The following DPY19L1 variants were observed in gnomAD, a reference collection of about 807,000 sequenced individuals.
DPY19L1 encodes protein C-mannosyl-transferase DPY19L1.
Under a neutral mutation model 96.9 loss-of-function variants are expected in DPY19L1, and 35 were observed. The ratio of observed to expected loss-of-function variants is 0.36; its 90% CI spans 0.28 to 0.48. DPY19L1 has a LOEUF of 0.48. Among genes scored for constraint, DPY19L1 ranks in the 20% least tolerant of loss-of-function variants. DPY19L1 has a pLI of 0.99. For missense variants in DPY19L1, 521 were observed against 777.9 expected (o/e 0.67, Z 3.93); for synonymous variants, 205 against 252.6 (o/e 0.81, Z 1.79).
At chr7:35,018,639 A>G (rs781203389) in intron 1 of DPY19L1, 43 bp from the exon 2 acceptor site, 1 of 1,552,072 alleles carries the variant, frequency 6.4e-7, no homozygotes, top group Non-Finnish European at 8.9e-7. Context: ...TAGCATAAAC[A>G]TGTTCATCTT....
chr7:35,006,589 T>G (rs1450178668), intron 6 of DPY19L1, among the ~76,000 whole-genome samples: 4 of 152,130 alleles, frequency 2.6e-5, no homozygotes, highest in Admixed American at 6.5e-5. Flanking sequence ...ATGAAATACA[T>G]AACGTAAGTA....
intron 19 of DPY19L1, 96 bp downstream of exon 19, chr7:34,940,057 G>A: frequency 1.8e-6 from 2 of 1,094,924 alleles, no homozygotes; most frequent in Non-Finnish European, 2.5e-6. Flanking sequence ...TGAGATCAGT[G>A]GAAGTAACTA....
At chr7:35,004,060 T>C (rs1785494101) in intron 6 of DPY19L1, among the ~76,000 whole-genome samples, 1 of 152,186 alleles carries the variant, frequency 6.6e-6, no homozygotes, top group African/African-American at 2.4e-5. Context: ...AACCATAAAC[T>C]ACAGGAGCCT....
chr7:34,969,737 C>T (rs755624997), intron 8 of DPY19L1, among the ~76,000 whole-genome samples: 4 of 152,068 alleles, frequency 2.6e-5, no homozygotes, highest in Admixed American at 1.3e-4. Context: ...CATTTGCTAA[C>T]AATAACACAG....
intron 7 of DPY19L1, among the ~76,000 whole-genome samples, chr7:34,976,807 T>C (rs1185784994): frequency 2.6e-5 from 4 of 152,172 alleles, no homozygotes; most frequent in African/African-American, 9.7e-5. Flanking sequence ...CATTTTGAGA[T>C]GGAGTTCATT....
In DPY19L1 at chr7:35,018,449, T is replaced by A; in HGVS notation, c.323+123A>T. 9.7e-6 allele frequency: 8 copies of A among 828,102 alleles called. No individual in the cohort carries two copies. The South Asian group carries it at 1.3e-4, about 14-fold the overall frequency. 51.3% of individuals were successfully genotyped at this position (828,102 alleles called of 1,614,324 possible). On this transcript the variant is annotated intron_variant, in intron 2 of 21. Coordinates refer to ENST00000638088, the MANE Select transcript of DPY19L1 (RefSeq NM_001366673.1). ...ATTAAACTAGTTTTTCAGACTATTG[T>A]GTTACATGTAATATATATTCATACT...
At chr7:34,996,462 TA>T (rs1785286191) in intron 6 of DPY19L1, among the ~76,000 whole-genome samples, 1 of 152,140 alleles carries the variant, frequency 6.6e-6, no homozygotes, top group Non-Finnish European at 1.5e-5. Context: ...TTCTCCTGCC[TA>T]GAAATATCAC....
chr7:34,949,212 C>A (rs1287100459), intron 14 of DPY19L1, among the ~76,000 whole-genome samples: 1 of 151,978 alleles, frequency 6.6e-6, no homozygotes, highest in East Asian at 1.9e-4. Context: ...AAAGTACTTT[C>A]CTTTGTATTA....
chr7:35,031,583 G>T (rs1024602197), intron 1 of DPY19L1, among the ~76,000 whole-genome samples: 4 of 152,064 alleles, frequency 2.6e-5, no homozygotes, highest in African/African-American at 7.2e-5. Flanking sequence ...TAACAGCCAC[G>T]GTTCAAATAT....
chr7:34,933,645 C>G (rs1013084380), intron 21 of DPY19L1, among the ~76,000 whole-genome samples: 1 of 152,188 alleles, frequency 6.6e-6, no homozygotes, highest in Non-Finnish European at 1.5e-5. Flanking sequence ...TAAAAGCAGG[C>G]AAAAGAATTG....
chr7:34,964,400 A>T (rs1404624487), intron 10 of DPY19L1, among the ~76,000 whole-genome samples: 1 of 152,184 alleles, frequency 6.6e-6, no homozygotes, highest in Non-Finnish European at 1.5e-5. Flanking sequence ...ACAAAATAAA[A>T]AACTATTTTA....
At chr7:34,943,677 T>A (rs1784074193) in intron 16 of DPY19L1, among the ~76,000 whole-genome samples, 1 of 152,218 alleles carries the variant, frequency 6.6e-6, no homozygotes, top group Non-Finnish European at 1.5e-5. Context: ...CTATTTGAAC[T>A]GACAACTCCA....
intron 6 of DPY19L1, among the ~76,000 whole-genome samples, chr7:34,993,094 A>G (rs985283768): frequency 3.3e-5 from 5 of 152,218 alleles, no homozygotes; most frequent in African/African-American, 1.2e-4. Flanking sequence ...TGTGTGACAA[A>G]GTATTCTGAT....
chr7:34,976,735 G>A (rs1053676144), intron 7 of DPY19L1, among the ~76,000 whole-genome samples: 4 of 152,156 alleles, frequency 2.6e-5, no homozygotes, highest in African/African-American at 7.2e-5. Context: ...CAACATCAAA[G>A]TAAGACCCTC....
At chr7:34,994,244 A>G (rs1376905159) in intron 6 of DPY19L1, among the ~76,000 whole-genome samples, 1 of 152,140 alleles carries the variant, frequency 6.6e-6, no homozygotes, top group African/African-American at 2.4e-5. Flanking sequence ...ATAATCAACA[A>G]GCTCAATGTC....
chr7:34,971,815 C>G (rs1231468927), intron 8 of DPY19L1, among the ~76,000 whole-genome samples: 1 of 152,170 alleles, frequency 6.6e-6, no homozygotes, highest in African/African-American at 2.4e-5. Context: ...GAGGCCCCAT[C>G]CTGGTAGGCA....
chr7:35,035,602 C>G (rs778945121), intron 1 of DPY19L1, among the ~76,000 whole-genome samples: 1 of 152,208 alleles, frequency 6.6e-6, no homozygotes, highest in South Asian at 2.1e-4. Context: ...CACACACTTT[C>G]TTTTATTACA....
At chr7:35,007,729 C>G (rs1785596196) in intron 6 of DPY19L1, among the ~76,000 whole-genome samples, 1 of 151,878 alleles carries the variant, frequency 6.6e-6, no homozygotes, top group South Asian at 2.1e-4. Context: ...GAAATGGGCT[C>G]AACCCACTGA....
chr7:34,971,479 T>C (rs1157056000), intron 8 of DPY19L1, among the ~76,000 whole-genome samples: 1 of 152,104 alleles, frequency 6.6e-6, no homozygotes, highest in African/African-American at 2.4e-5. Flanking sequence ...CCAATGAAGA[T>C]GGCGAGGAAG....
Sources: allele counts gnomAD v4.1 joint callset (sites outside exome capture counted in the v4.1 genomes callset), GRCh38; gene constraint gnomAD v4.1.1; transcripts MANE v1.5; gene names NCBI Gene and HGNC (gene_info 2026-07-23, HGNC 2026-07-21).